The following ERBB4 variants were observed in gnomAD, a reference collection of about 807,000 sequenced individuals.
The protein encoded by ERBB4 is erb-b2 receptor tyrosine kinase 4.
ERBB4 carries 42 observed loss-of-function variants against 158.0 expected under a neutral mutation model. The observed-to-expected ratio is 0.27, with a 90% CI of 0.21 to 0.34. The LOEUF (loss-of-function observed/expected upper bound fraction) is 0.34, where lower values mean the gene tolerates loss of function less well. Among genes scored for constraint, ERBB4 ranks in the 10% least tolerant of loss-of-function variants. The pLI is 1.00. For missense variants in ERBB4, 1,333 were observed against 1,624.1 expected, an observed-to-expected ratio of 0.82 and a Z score of 3.08; for synonymous variants, 583 against 558.7, an observed-to-expected ratio of 1.04 and a Z score of -0.61.
At chr2:211,912,123 C>T (rs1467605554) in intron 3 of ERBB4, among the ~76,000 whole-genome samples, 1 of 151,984 alleles carries the variant, frequency 6.6e-6, no homozygotes, top group Non-Finnish European at 1.5e-5. Context: ...TGGGTACAAC[C>T]CTGTGAAATT....
At chr2:211,524,400 C>T (rs765143316) in intron 20 of ERBB4, among the ~76,000 whole-genome samples, 11 of 151,302 alleles carry the variant, frequency 7.3e-5, no homozygotes, top group Non-Finnish European at 1.2e-4. Flanking sequence ...CTTGGGTGGT[C>T]AATGGGACTG....
At chr2:212,308,111 G>A (rs930563684) in intron 1 of ERBB4, among the ~76,000 whole-genome samples, 18 of 151,160 alleles carry the variant, frequency 1.2e-4, no homozygotes, top group South Asian at 8.3e-4. Context: ...TCAGATGAGA[G>A]TTGTCTAATA....
At chr2:211,562,274 TAAAC>T (rs1236922157) in intron 19 of ERBB4, among the ~76,000 whole-genome samples, 186 bp from the exon 20 acceptor site, 2 of 152,172 alleles carry the variant, frequency 1.3e-5, no homozygotes, top group East Asian at 3.8e-4. Context: ...TAAAATTAAA[TAAAC>T]AACAAAGTCT....
chr2:211,744,381 C>T lies in ERBB4; in HGVS notation c.622+6258G>A, dbSNP rs186685343. Among the ~76,000 whole-genome samples the T allele has an allele frequency of 9.4e-4, 143 of 152,280 alleles. 1 individual carries two copies. Among genetic ancestry groups the T allele is most frequent in the Non-Finnish European group, 1.6e-3 (111 of 68,020 alleles). On this transcript the variant is annotated intron_variant, in intron 5 of 27. Coordinates refer to ENST00000342788, the MANE Select transcript of ERBB4 (RefSeq NM_005235.3). ...TAGGTTTGCATAGCCAACTGTTGTTCGTAGTAAGTTGTCGGTTTGTTCACA... is the reference window on the plus strand; with the variant it reads ...TAGGTTTGCATAGCCAACTGTTGTTTGTAGTAAGTTGTCGGTTTGTTCACA...
At chr2:211,782,980 TGA>T (rs1302459215) in intron 4 of ERBB4, among the ~76,000 whole-genome samples, 1 of 151,856 alleles carries the variant, frequency 6.6e-6, no homozygotes, top group Non-Finnish European at 1.5e-5. Context: ...GCCATTTTCA[TGA>T]TACTGATCCT....
intron 20 of ERBB4, among the ~76,000 whole-genome samples, chr2:211,474,597 T>G (rs2064910324): frequency 6.6e-6 from 1 of 152,110 alleles, no homozygotes; most frequent in African/African-American, 2.4e-5. Context: ...ACTCAAAATC[T>G]TTTAACCTGG....
At chr2:212,173,728 G>A (rs970252896) in intron 1 of ERBB4, among the ~76,000 whole-genome samples, 7 of 151,984 alleles carry the variant, frequency 4.6e-5, no homozygotes, top group African/African-American at 1.7e-4. Flanking sequence ...ATCCTCAGAA[G>A]AGAATCAGAA....
At chr2:212,458,908 C>A (rs1205607479) in intron 1 of ERBB4, among the ~76,000 whole-genome samples, 1 of 152,064 alleles carries the variant, frequency 6.6e-6, no homozygotes, top group Non-Finnish European at 1.5e-5. Flanking sequence ...TGTTTGGACC[C>A]ATTGTGTAGC....
At chr2:211,568,143 T>C (rs930773992) in intron 19 of ERBB4, among the ~76,000 whole-genome samples, 12 of 152,200 alleles carry the variant, frequency 7.9e-5, no homozygotes, top group African/African-American at 2.9e-4. Context: ...TTACAATTTT[T>C]TTTTTTCTTG....
chr2:212,369,024 T>G (rs2089993127), intron 1 of ERBB4, among the ~76,000 whole-genome samples: 1 of 152,132 alleles, frequency 6.6e-6, no homozygotes, highest in Non-Finnish European at 1.5e-5. Flanking sequence ...AGTGCACATT[T>G]GACAAGCACT....
At chr2:212,145,986 G>A (rs534045246) in intron 1 of ERBB4, among the ~76,000 whole-genome samples, 193 of 152,180 alleles carry the variant, frequency 1.3e-3, no homozygotes, top group Middle Eastern at 6.8e-3. Flanking sequence ...AGGGCCCAAA[G>A]GGGATAGTCT....
intron 12 of ERBB4, 97 bp from the exon 13 acceptor site, chr2:211,679,281 A>G (rs2072239488): frequency 1.4e-6 from 2 of 1,395,290 alleles, no homozygotes; most frequent in Non-Finnish European, 2.0e-6. Flanking sequence ...GTTCACTTAA[A>G]AGAGATATAT....
intron 3 of ERBB4, among the ~76,000 whole-genome samples, chr2:211,807,412 T>C (rs76687080): frequency 6.6e-6 from 1 of 152,134 alleles, no homozygotes; most frequent in Non-Finnish European, 1.5e-5. Context: ...TCTGTCCTTG[T>C]GATAGTTTGC....
At chr2:211,867,393 T>G (rs1057263940) in intron 3 of ERBB4, among the ~76,000 whole-genome samples, 1 of 152,074 alleles carries the variant, frequency 6.6e-6, no homozygotes, top group Non-Finnish European at 1.5e-5. Context: ...AAAGCAAAAT[T>G]TACAAGTATG....
chr2:212,501,421 G>T (rs1690880952), intron 1 of ERBB4, among the ~76,000 whole-genome samples: 1 of 152,028 alleles, frequency 6.6e-6, no homozygotes, highest in Admixed American at 6.6e-5. Flanking sequence ...CAATTGATTA[G>T]GCAGAAATTA....
At chr2:212,050,370 T>A (rs1182519887) in intron 2 of ERBB4, among the ~76,000 whole-genome samples, 1 of 152,182 alleles carries the variant, frequency 6.6e-6, no homozygotes, top group Non-Finnish European at 1.5e-5. Flanking sequence ...TAGCTTTCTT[T>A]GTGAATGAGA....
intron 3 of ERBB4, among the ~76,000 whole-genome samples, chr2:211,943,966 CAA>C (rs1485455494): frequency 6.6e-6 from 1 of 150,870 alleles, no homozygotes; most frequent in East Asian, 1.9e-4. Context: ...CTCTTTTACA[CAA>C]AGTTTGCAGA....
intron 1 of ERBB4, among the ~76,000 whole-genome samples, chr2:212,294,356 C>G (rs1165829916): frequency 6.6e-6 from 1 of 151,882 alleles, no homozygotes; most frequent in Admixed American, 6.6e-5. Flanking sequence ...TATTTCTACC[C>G]AAATAATCTT....
chr2:212,330,005 C>T (rs547079018), intron 1 of ERBB4, among the ~76,000 whole-genome samples: 2 of 152,082 alleles, frequency 1.3e-5, no homozygotes, highest in South Asian at 4.2e-4. Flanking sequence ...GAAGTTCCAC[C>T]CCAGTAACCT....
Sources: allele counts gnomAD v4.1 joint callset (sites outside exome capture counted in the v4.1 genomes callset), GRCh38; gene constraint gnomAD v4.1.1; transcripts MANE v1.5; gene names NCBI Gene and HGNC (gene_info 2026-07-23, HGNC 2026-07-21).